CPAMD8: variants seen among roughly 807,000 people sequenced by gnomAD.
The protein encoded by CPAMD8 is C3 and PZP-like alpha-2-macroglobulin domain-containing protein 8.
CPAMD8 carries 146 observed loss-of-function variants against 224.7 expected under a neutral mutation model. The observed-to-expected ratio is 0.65, with a 90% CI of 0.57 to 0.75. The LOEUF (loss-of-function observed/expected upper bound fraction) is 0.75. Among genes scored for constraint, CPAMD8 ranks in the 30% least tolerant of loss-of-function variants. The pLI is 0.00. For synonymous variants in CPAMD8, 966 were observed against 1,044.6 expected (o/e 0.92, Z 1.45); for missense variants, 2,301 against 2,537.5 (o/e 0.91, Z 2.00).
In CPAMD8 at chr19:16,945,422, A is replaced by G. The variant is rs982908080; in HGVS notation, c.2793+127T>C. On this transcript the variant is annotated intron_variant, in intron 22 of 41. Transcript: ENST00000443236. ...CGAAAGTCCAGGCACCTGAGCTCTCAAGCACAACCCGTGAAGGCTGCCCAG... is the reference window on the plus strand; with the variant it reads ...CGAAAGTCCAGGCACCTGAGCTCTCGAGCACAACCCGTGAAGGCTGCCCAG... 6.8e-6 allele frequency: 9 copies of G among 1,313,982 alleles called. No individual in the cohort carries two copies. The African/African-American group carries it at 1.0e-4, about 15-fold the overall frequency. The allele number at this position is 1,313,982 out of a possible 1,614,324, so 81.4% of individuals were successfully genotyped here. A position where few individuals can be genotyped will look rare whatever the true frequency, so the allele number is the denominator to read the frequency against.
At chr19:16,958,233 G>A (rs1006616951) in intron 18 of CPAMD8, among the ~76,000 whole-genome samples, 1 of 152,146 alleles carries the variant, frequency 6.6e-6, no homozygotes, top group African/African-American at 2.4e-5. Context: ...CAGATACTAA[G>A]CCTATGCCCA....
chr19:16,959,787 C>A (rs1452765359), intron 18 of CPAMD8, among the ~76,000 whole-genome samples: 1 of 152,138 alleles, frequency 6.6e-6, no homozygotes, highest in South Asian at 2.1e-4. Context: ...GATCCACCCA[C>A]CTCAGCCTCT....
intron 27 of CPAMD8, 50 bp from the exon 28 acceptor site, chr19:16,914,863 C>G: frequency 1.4e-6 from 2 of 1,396,796 alleles, no homozygotes; most frequent in Non-Finnish European, 2.0e-6. Flanking sequence ...GGTCAGCCCC[C>G]ACATGCTGGC....
At chr19:16,975,448 T>C (rs1402826483) in intron 16 of CPAMD8, among the ~76,000 whole-genome samples, 190 bp from the exon 17 acceptor site, 1 of 152,072 alleles carries the variant, frequency 6.6e-6, no homozygotes, top group Non-Finnish European at 1.5e-5. Context: ...GGCCCATGCC[T>C]CTAATCCCAG....
intron 21 of CPAMD8, among the ~76,000 whole-genome samples, chr19:16,946,393 G>A (rs1009897359): frequency 6.7e-5 from 10 of 149,020 alleles, no homozygotes; most frequent in Non-Finnish European, 1.3e-4. Context: ...GTGTGTATAT[G>A]CATGTCTACA....
intron 30 of CPAMD8, among the ~76,000 whole-genome samples, chr19:16,906,046 G>A (rs1326950021): frequency 6.6e-6 from 1 of 152,110 alleles, no homozygotes; most frequent in Admixed American, 6.6e-5. Context: ...CGGAGGCGGG[G>A]GATGCGTTCT....
chr19:17,010,689 T>C (rs777235874), intron 5 of CPAMD8, among the ~76,000 whole-genome samples: 4 of 152,128 alleles, frequency 2.6e-5, no homozygotes, highest in Non-Finnish European at 5.9e-5. Context: ...TTTGTAAGTA[T>C]ATATACATAT....
At position 16,975,193 on chromosome 19, in the gene CPAMD8, A is replaced by C; in HGVS notation, c.1974T>G (p.Pro658=). ...DSFGVSREDG[P]FWWAGLTAQR... Reference sequence around the variant, plus strand: ...GTGCCGTCAGCCCAGCCCACCAAAAAGGACCATCCTCCCTGGACACGCCAA... The same window carrying C: ...GTGCCGTCAGCCCAGCCCACCAAAACGGACCATCCTCCCTGGACACGCCAA... Residue 658 remains proline, a synonymous_variant, in exon 17 of 42, where the codon CCT becomes CCG. Coordinates refer to ENST00000443236, the MANE Select transcript of CPAMD8 (RefSeq NM_015692.5). 1 of 1,611,822 alleles carries C rather than the reference A, an allele frequency of 6.2e-7. No individual in the cohort carries two copies. Among genetic ancestry groups the C allele is most frequent in the Non-Finnish European group, 8.5e-7 (1 of 1,179,024 alleles).
At chr19:16,902,991 G>A (rs765071169) in intron 34 of CPAMD8, 128 bp from the exon 35 acceptor site, 41 of 617,076 alleles carry the variant, frequency 6.6e-5, no homozygotes, top group Non-Finnish European at 1.1e-4. Context: ...ATCCATGACA[G>A]TTTTAGAGAC....
intron 6 of CPAMD8, 139 bp from the exon 7 acceptor site, chr19:17,008,698 C>T (rs749856814): frequency 5.7e-5 from 54 of 948,072 alleles, no homozygotes; most frequent in Middle Eastern, 4.3e-4. Context: ...TCATTAACCC[C>T]GGGGCAAAAA....
At chr19:16,933,095 G>A (rs1197182384) in intron 23 of CPAMD8, among the ~76,000 whole-genome samples, 1 of 151,986 alleles carries the variant, frequency 6.6e-6, no homozygotes, top group South Asian at 2.1e-4. Flanking sequence ...GACCAGCCTG[G>A]GCAACATAAT....
chr19:17,004,440 G>T (rs111326080), intron 7 of CPAMD8, 54 bp from the exon 8 acceptor site: 11 of 1,211,130 alleles, frequency 9.1e-6, no homozygotes. Context: ...ACACGGTGAG[G>T]TACGGGAAGA....
At chr19:16,937,279 C>A (rs896032481) in intron 23 of CPAMD8, among the ~76,000 whole-genome samples, 3 of 151,946 alleles carry the variant, frequency 2.0e-5, no homozygotes. Context: ...GGACTACAGG[C>A]GTGCACCACC....
At chr19:16,921,206 C>T (rs1263966715) in intron 27 of CPAMD8, among the ~76,000 whole-genome samples, 1 of 152,106 alleles carries the variant, frequency 6.6e-6, no homozygotes, top group East Asian at 1.9e-4. Context: ...CCCTGGGATC[C>T]TGGCACTGTG....
chr19:16,967,101 A>C (rs1203282156), intron 18 of CPAMD8, among the ~76,000 whole-genome samples: 7 of 152,280 alleles, frequency 4.6e-5, no homozygotes, highest in Admixed American at 3.3e-4. Context: ...AATGTCCATC[A>C]ATGATAGACT....
intron 27 of CPAMD8, among the ~76,000 whole-genome samples, chr19:16,916,633 G>A (rs1226831730): frequency 6.6e-6 from 1 of 151,958 alleles, no homozygotes; most frequent in Non-Finnish European, 1.5e-5. Context: ...CAGCTACTCG[G>A]GAGGCTGAGG....
chr19:16,960,738 C>T (rs967899789), intron 18 of CPAMD8, among the ~76,000 whole-genome samples: 2 of 151,756 alleles, frequency 1.3e-5, no homozygotes, highest in African/African-American at 4.8e-5. Context: ...CCCCTCTCTA[C>T]TAAAAATACA....
intron 18 of CPAMD8, among the ~76,000 whole-genome samples, chr19:16,958,753 C>T (rs1799321385): frequency 6.6e-6 from 1 of 152,038 alleles, no homozygotes; most frequent in Admixed American, 6.6e-5. Context: ...GCATAGCATC[C>T]CCTTTTCTCC....
intron 18 of CPAMD8, 49 bp from the exon 19 acceptor site, chr19:16,957,964 T>C (rs760448398): frequency 6.5e-7 from 1 of 1,544,348 alleles, no homozygotes; most frequent in Non-Finnish European, 8.9e-7. Context: ...ACATAACAAA[T>C]CTTATGTGAA....
Sources: allele counts gnomAD v4.1 joint callset (sites outside exome capture counted in the v4.1 genomes callset), GRCh38; gene constraint gnomAD v4.1.1; transcripts MANE v1.5; gene names NCBI Gene and HGNC (gene_info 2026-07-23, HGNC 2026-07-21).